The following PRDM5 variants were observed in gnomAD, a reference collection of about 807,000 sequenced individuals.
The protein encoded by PRDM5 is PR/SET domain 5.
In PRDM5, 56 loss-of-function variants were observed where a neutral mutation model predicts 81.2. The ratio of observed to expected loss-of-function variants is 0.69; its 90% CI spans 0.56 to 0.86. PRDM5 has a LOEUF of 0.86. PRDM5 is among the 40% of genes least tolerant of loss of function. The pLI is 0.00. For missense variants in PRDM5, 697 were observed against 770.1 expected (o/e 0.91, Z 1.12); for synonymous variants, 267 against 256.4 (o/e 1.04, Z -0.39).
intron 2 of PRDM5, among the ~76,000 whole-genome samples, chr4:120,883,682 G>A (rs1763090659): frequency 6.6e-6 from 1 of 152,002 alleles, no homozygotes; most frequent in Admixed American, 6.6e-5. Flanking sequence ...GTATACATGT[G>A]TAATAAGTCT....
chr4:120,747,734 C>G (rs1039558300), intron 14 of PRDM5, among the ~76,000 whole-genome samples: 1 of 152,196 alleles, frequency 6.6e-6, no homozygotes, highest in African/African-American at 2.4e-5. Flanking sequence ...ATATAACAGA[C>G]TTGCTGTTAC....
At chr4:120,918,581 T>C (rs1195139153) in intron 1 of PRDM5, among the ~76,000 whole-genome samples, 2 of 152,122 alleles carry the variant, frequency 1.3e-5, no homozygotes, top group Admixed American at 6.5e-5. Flanking sequence ...TTGACTTTTG[T>C]TTTAAAATCT....
intron 2 of PRDM5, among the ~76,000 whole-genome samples, chr4:120,903,403 A>G (rs1765421200): frequency 6.6e-6 from 1 of 152,206 alleles, no homozygotes; most frequent in South Asian, 2.1e-4. Flanking sequence ...CTAAAATAAT[A>G]AAAAAATAAA....
chr4:120,727,303 ATGTG>A (rs34504620), intron 14 of PRDM5, among the ~76,000 whole-genome samples: 2 of 150,682 alleles, frequency 1.3e-5, no homozygotes, highest in Admixed American at 6.6e-5. Flanking sequence ...GTATGTATAT[ATGTG>A]TGTGTGTGTG....
At chr4:120,804,319 G>A (rs570993004) in intron 8 of PRDM5, among the ~76,000 whole-genome samples, 2 of 151,776 alleles carry the variant, frequency 1.3e-5, no homozygotes, top group Admixed American at 1.3e-4. Flanking sequence ...AGGATATCCA[G>A]GAATTGAACT....
intron 1 of PRDM5, among the ~76,000 whole-genome samples, chr4:120,916,214 C>T (rs528054468): frequency 5.4e-4 from 82 of 152,046 alleles, no homozygotes; most frequent in African/African-American, 1.8e-3. Flanking sequence ...CATGGTAAAA[C>T]CCTGTCTATT....
chr4:120,694,726 C>A lies in PRDM5; in HGVS notation c.*385G>T. The A allele has an allele frequency of 4.8e-6, 1 of 210,192 alleles. No homozygotes were observed. The highest frequency in any genetic ancestry group is 9.8e-6 in the Non-Finnish European group (1 of 101,710). The allele number at this position is 210,192 out of a possible 1,614,324, so 13.0% of individuals were successfully genotyped here. On this transcript the variant is annotated 3_prime_UTR_variant, in exon 16 of 16. Transcript: ENST00000264808. ...TTGCAAGTGAGTGCACACACACAGA[C>A]ACATACAGACACACAGACACACAGA...
chr4:120,768,131 A>G (rs1395538862), intron 13 of PRDM5, among the ~76,000 whole-genome samples: 1 of 152,214 alleles, frequency 6.6e-6, no homozygotes, highest in Non-Finnish European at 1.5e-5. Flanking sequence ...CTAAAGCATA[A>G]AACTTTCACA....
chr4:120,766,538 G>T (rs905819238), intron 13 of PRDM5, among the ~76,000 whole-genome samples: 26 of 152,148 alleles, frequency 1.7e-4, no homozygotes, highest in Non-Finnish European at 2.9e-4. Context: ...TCTTCAATTG[G>T]TTGATATATC....
chr4:120,908,116 T>C (rs1766042125), intron 1 of PRDM5, among the ~76,000 whole-genome samples: 1 of 152,242 alleles, frequency 6.6e-6, no homozygotes, highest in South Asian at 2.1e-4. Context: ...CCCACATGCA[T>C]GAGAAACACC....
At chr4:120,879,245 A>C (rs777434511) in intron 2 of PRDM5, among the ~76,000 whole-genome samples, 6 of 152,212 alleles carry the variant, frequency 3.9e-5, no homozygotes, top group Non-Finnish European at 7.3e-5. Flanking sequence ...TCAAAAAGAC[A>C]TACAGGGGAA....
chr4:120,907,643 T>C, intron 1 of PRDM5, 86 bp from the exon 2 acceptor site: 1 of 1,060,674 alleles, frequency 9.4e-7, no homozygotes. Flanking sequence ...TGGAATGTTT[T>C]TCTGCAAATC....
At chr4:120,892,410 G>A (rs559862239) in intron 2 of PRDM5, among the ~76,000 whole-genome samples, 5 of 152,246 alleles carry the variant, frequency 3.3e-5, no homozygotes, top group Admixed American at 2.6e-4. Context: ...CAAGTGGGGC[G>A]TTGAAGTCTC....
chr4:120,801,718 C>A (rs1370187389), intron 8 of PRDM5, among the ~76,000 whole-genome samples: 1 of 152,220 alleles, frequency 6.6e-6, no homozygotes, highest in Non-Finnish European at 1.5e-5. Flanking sequence ...ACAAGAAAAA[C>A]TTCCAGCCTG....
chr4:120,735,574 G>A (rs1413789422), intron 14 of PRDM5, among the ~76,000 whole-genome samples: 1 of 152,094 alleles, frequency 6.6e-6, no homozygotes, highest in Non-Finnish European at 1.5e-5. Context: ...GATTTCTCCT[G>A]CCAGGTCTGG....
At chr4:120,872,134 G>A (rs529314605) in intron 2 of PRDM5, among the ~76,000 whole-genome samples, 4 of 78,766 alleles carry the variant, frequency 5.1e-5, no homozygotes, top group Non-Finnish European at 9.8e-5. Context: ...CTGGGCGACA[G>A]AGCAAGACTC....
At chr4:120,816,669 A>G in intron 6 of PRDM5, 95 bp from the exon 7 acceptor site, 1 of 1,580,062 alleles carries the variant, frequency 6.3e-7, no homozygotes, top group East Asian at 2.2e-5. Flanking sequence ...CATGCTCCCT[A>G]GTAGAGTTTC....
chr4:120,842,424 T>C (rs1338648303), intron 3 of PRDM5, among the ~76,000 whole-genome samples: 1 of 152,078 alleles, frequency 6.6e-6, no homozygotes, highest in Non-Finnish European at 1.5e-5. Flanking sequence ...GTGTACCACA[T>C]CAGGAAAGAG....
chr4:120,787,910 T>A (rs558021617), intron 10 of PRDM5, among the ~76,000 whole-genome samples: 1 of 152,214 alleles, frequency 6.6e-6, no homozygotes, highest in South Asian at 2.1e-4. Flanking sequence ...TTTAAAGCCA[T>A]GAATATGATA....
Sources: gnomAD v4.1 joint callset for allele counts (sites outside exome capture counted in the v4.1 genomes callset) on GRCh38, gnomAD v4.1.1 for gene constraint, MANE v1.5 for transcripts, NCBI Gene and HGNC (gene_info 2026-07-23, HGNC 2026-07-21) for gene names.